DNMBP: variants seen among roughly 807,000 people sequenced by gnomAD.
DNMBP encodes the protein dynamin binding protein, also known as dynamin-binding protein.
A neutral mutation model predicts 150.0 loss-of-function variants in DNMBP; 87 were observed. That is an observed-to-expected ratio of 0.58 (90% CI 0.49 to 0.69). DNMBP has a LOEUF of 0.69. Ranked by LOEUF, DNMBP falls within the 30% of genes least tolerant of loss-of-function variation. DNMBP has a pLI of 0.00. For missense variants in DNMBP, 1,774 were observed against 1,949.0 expected (o/e 0.91, Z 1.69); for synonymous variants, 711 against 750.4 (o/e 0.95, Z 0.86).
At chr10:99,915,707 CCT>C (rs2039958582) in intron 4 of DNMBP, among the ~76,000 whole-genome samples, 2 of 151,968 alleles carry the variant, frequency 1.3e-5, no homozygotes, top group African/African-American at 4.8e-5. Flanking sequence ...AGAGTGAGAC[CCT>C]GTGTCAAAAA....
At chr10:99,898,467 C>CA in intron 8 of DNMBP, 182 bp from the exon 9 acceptor site, 1 of 698,532 alleles carries the variant, frequency 1.4e-6, no homozygotes, top group Non-Finnish European at 2.5e-6. Context: ...CAATTTCAGT[C>CA]ATTCAACATG....
chr10:99,955,627 C>G lies in DNMBP; in HGVS notation c.1847G>C (p.Cys616Ser). ...ATGGGGAGAAGTGGATACCGGAGTA[C>G]AGGGACGAGGTGGCGGTGGCCTTAG... ...KALRPPPPRP[C>S]TPVSTSPHLL... Residue 616 changes from cysteine (C) to serine (S), a missense_variant, in exon 4 of 17, where the codon TGT (cysteine) becomes TCT (serine). Physicochemically the swap from Cys to Ser is moderately radical, Grantham distance 112. Transcript: ENST00000324109. The G allele has an allele frequency of 6.2e-7, 1 of 1,614,216 alleles. No homozygotes were observed. Among genetic ancestry groups the G allele is most frequent in the Non-Finnish European group, 8.5e-7 (1 of 1,180,032 alleles).
intron 10 of DNMBP, among the ~76,000 whole-genome samples, chr10:99,895,261 A>C (rs954091133): frequency 9.2e-5 from 14 of 151,742 alleles, no homozygotes; most frequent in African/African-American, 3.4e-4. Context: ...CGCATAGCTG[A>C]GATTACAGGC....
chr10:99,988,542 T>C (rs913364470), intron 1 of DNMBP, among the ~76,000 whole-genome samples: 1 of 152,234 alleles, frequency 6.6e-6, no homozygotes, highest in African/African-American at 2.4e-5. Flanking sequence ...TTAGAATTCA[T>C]ACTAGCAACA....
chr10:99,962,394 C>T (rs887941932), intron 3 of DNMBP, among the ~76,000 whole-genome samples: 3 of 152,132 alleles, frequency 2.0e-5, no homozygotes, highest in East Asian at 1.9e-4. Context: ...CACTTTGGGA[C>T]GCCGAGGCAG....
Position 99,895,005 on chromosome 10 carries a change from G to T in DNMBP, c.3097C>A (p.Gln1033Lys). The T allele has an allele frequency of 6.2e-7, 1 of 1,613,670 alleles. No individual in the cohort carries two copies. Among genetic ancestry groups the T allele is most frequent in the Non-Finnish European group, 8.5e-7 (1 of 1,179,850 alleles). ...FEETEKNFRM[Q>K]ERLIKSFIRD... ...ATAAAAGACTTAATCAATCTTTCTTGCATTCGGAAGTTTTTTTCTGTTTCT... is the reference window on the plus strand; with the variant it reads ...ATAAAAGACTTAATCAATCTTTCTTTCATTCGGAAGTTTTTTTCTGTTTCT... The change falls in exon 11 of 17, where the codon CAA becomes AAA. Residue 1033 changes from glutamine (Q) to lysine (K), a missense_variant. Physicochemically the swap from Gln to Lys is moderately conservative, Grantham distance 53. Coordinates refer to ENST00000324109, the MANE Select transcript of DNMBP (RefSeq NM_015221.4).
intron 14 of DNMBP, 51 bp downstream of exon 14, chr10:99,885,635 GT>G: frequency 1.3e-6 from 2 of 1,495,092 alleles, no homozygotes; most frequent in Non-Finnish European, 1.8e-6. Context: ...TGGCTGCAGG[GT>G]TCCCCCTCTT....
chr10:99,904,184 G>A (rs1036017940), intron 6 of DNMBP, among the ~76,000 whole-genome samples: 2 of 152,172 alleles, frequency 1.3e-5, no homozygotes, highest in Non-Finnish European at 2.9e-5. Context: ...GAGCCCAGAA[G>A]GTAGAGGCTG....
At position 99,880,200 on chromosome 10, in the gene DNMBP, G is replaced by A. The variant is rs1378135359; in HGVS notation, c.4159C>T (p.Pro1387Ser). The change falls in exon 16 of 17, where the codon CCC becomes TCC. Residue 1387 changes from proline to serine, a missense_variant. Pro to Ser is a moderately conservative substitution (Grantham distance 74). Around this residue, in one of 2 missense-constraint regions of DNMBP, gnomAD observed 1,430 missense variants for 1,492.5 expected, o/e 0.96. Transcript: ENST00000324109. Reference sequence around the variant, plus strand: ...GTAAAGGATACAGCCATGCTGCTGGGGTTGAAGGTCAGGGTGCTGCCGCTG... The same window carrying A: ...GTAAAGGATACAGCCATGCTGCTGGAGTTGAAGGTCAGGGTGCTGCCGCTG... ...QNSGSTLTFN[P>S]SSMAVSFTSG... is the part of the protein sequence containing the mutation. The A allele has an allele frequency of 2.5e-6, 4 of 1,614,180 alleles. No homozygotes were observed. Among genetic ancestry groups the A allele is most frequent in the East Asian group, 2.2e-5 (1 of 44,868 alleles).
At chr10:99,886,264 T>A (rs549441591) in intron 13 of DNMBP, 36 bp downstream of exon 13, 1 of 1,549,486 alleles carries the variant, frequency 6.5e-7, no homozygotes, top group Non-Finnish European at 8.8e-7. Flanking sequence ...GCAAAGGCTA[T>A]AGATGACCAT....
At chr10:99,991,373 G>A (rs1158223807) in intron 1 of DNMBP, among the ~76,000 whole-genome samples, 1 of 151,662 alleles carries the variant, frequency 6.6e-6, no homozygotes, top group African/African-American at 2.4e-5. Flanking sequence ...CACCGCGGCC[G>A]GTCTGAGAAA....
intron 4 of DNMBP, among the ~76,000 whole-genome samples, chr10:99,919,535 G>A (rs1055746830): frequency 6.6e-6 from 1 of 152,238 alleles, no homozygotes; most frequent in Non-Finnish European, 1.5e-5. Flanking sequence ...ACTCACGCCT[G>A]TAATCCCAGC....
At position 99,920,541 on chromosome 10, in the gene DNMBP, A is replaced by G. The variant is rs564865300; in HGVS notation, c.2261-11395T>C. Among the ~76,000 whole-genome samples, 13 of 152,196 alleles carry G rather than the reference A, an allele frequency of 8.5e-5. No individual in the cohort carries two copies. In the South Asian group the frequency reaches 2.7e-3, roughly 32 times the overall value. ...CAGGTGTGGTGAATAAAGCACTCAG[A>G]CAATAATTCAGAAGGCCTCACCCTG... On this transcript the variant is annotated intron_variant, in intron 4 of 16. Transcript: ENST00000324109.
chr10:99,984,274 T>C (rs924274389), intron 1 of DNMBP, among the ~76,000 whole-genome samples: 6 of 152,070 alleles, frequency 3.9e-5, no homozygotes, highest in African/African-American at 1.4e-4. Context: ...AACCTAGGAG[T>C]TCCTAAGTAT....
At chr10:99,891,427 G>A (rs1266327178) in intron 11 of DNMBP, among the ~76,000 whole-genome samples, 3 of 151,920 alleles carry the variant, frequency 2.0e-5, no homozygotes, top group African/African-American at 7.2e-5. Flanking sequence ...CGCCAGCCTC[G>A]GCCTCCCGAG....
chr10:99,891,961 T>G (rs1275280276), intron 11 of DNMBP, among the ~76,000 whole-genome samples: 4 of 123,202 alleles, frequency 3.2e-5, no homozygotes, highest in Admixed American at 8.2e-5. Context: ...GTCCGGGAGG[T>G]GAGGGGCGCC....
At chr10:99,910,038 T>G (rs1401995240) in intron 4 of DNMBP, among the ~76,000 whole-genome samples, 1 of 152,238 alleles carries the variant, frequency 6.6e-6, no homozygotes, top group African/African-American at 2.4e-5. Context: ...ACAATCAGCC[T>G]CTGCTTAGTC....
At chr10:99,936,927 G>A (rs2040239844) in intron 4 of DNMBP, among the ~76,000 whole-genome samples, 1 of 151,580 alleles carries the variant, frequency 6.6e-6, no homozygotes, top group African/African-American at 2.4e-5. Flanking sequence ...GAGACAGAGT[G>A]TTACTCTGTC....
At chr10:99,972,436 A>AC (rs1018520343) in intron 1 of DNMBP, among the ~76,000 whole-genome samples, 23 of 151,360 alleles carry the variant, frequency 1.5e-4, no homozygotes, top group African/African-American at 5.3e-4. Flanking sequence ...TGTCCAGCTA[A>AC]TTTTTTGTAT....
Sources: allele counts gnomAD v4.1 joint callset (sites outside exome capture counted in the v4.1 genomes callset), GRCh38; gene constraint gnomAD v4.1.1; regional missense constraint gnomAD v4.1.1; transcripts MANE v1.5; gene names NCBI Gene and HGNC (gene_info 2026-07-23, HGNC 2026-07-21).